The following TMEM62 variants were observed in gnomAD, a reference collection of about 807,000 sequenced individuals.
TMEM62 encodes transmembrane protein 62.
A neutral mutation model predicts 70.4 loss-of-function variants in TMEM62; 41 were observed. The ratio of observed to expected loss-of-function variants is 0.58; its 90% CI spans 0.45 to 0.76. The LOEUF is 0.76. Ranked by LOEUF, TMEM62 falls within the 30% of genes least tolerant of loss-of-function variation. The pLI, the probability that TMEM62 is intolerant of heterozygous loss-of-function variation, is 0.00. For synonymous variants in TMEM62, 268 were observed against 291.0 expected, an observed-to-expected ratio of 0.92 and a Z score of 0.80; for missense variants, 688 against 788.5, an observed-to-expected ratio of 0.87 and a Z score of 1.53.
At position 43,184,764 on chromosome 15, in the gene TMEM62, A is replaced by G; in HGVS notation, c.*178A>G. ...CCCACTACTGATACCTGCAGAATGG[A>G]CTGCAGAAAAGTCTCAAAAATAATG... On this transcript the variant is annotated 3_prime_UTR_variant, in exon 14 of 14. Coordinates refer to ENST00000260403, the MANE Select transcript of TMEM62 (RefSeq NM_024956.4). The G allele has an allele frequency of 1.7e-6, 1 of 604,000 alleles. No individual in the cohort carries two copies. The allele number at this position is 604,000 out of a possible 1,614,324, so 37.4% of individuals were successfully genotyped here.
chr15:43,145,334 AG>A (rs1302902290), intron 4 of TMEM62, among the ~76,000 whole-genome samples: 1 of 150,542 alleles, frequency 6.6e-6, no homozygotes, highest in Non-Finnish European at 1.5e-5. Flanking sequence ...CCTCTGGAGT[AG>A]CTGGGACTAC....
chr15:43,168,746 C>G (rs72721543), intron 10 of TMEM62, among the ~76,000 whole-genome samples: 2,710 of 152,282 alleles, frequency 0.018, 39 homozygotes, highest in Non-Finnish European at 0.028. Context: ...TTGTGCACTC[C>G]ATTTCCACTG....
At chr15:43,133,247 G>T (rs1415180426), upstream of TMEM62, 1 of 152,260 alleles carries the variant, frequency 6.6e-6, no homozygotes, top group East Asian at 1.9e-4. Context: ...AGAAAGAAAA[G>T]AAAACCTATG....
rs778131774 is a variant in TMEM62, at chr15:43,135,693, C to T, written c.430+44C>T. On this transcript the variant is annotated intron_variant, in intron 3 of 13. Coordinates refer to ENST00000260403, the MANE Select transcript of TMEM62 (RefSeq NM_024956.4). The stretch of plus-strand genomic sequence containing the variant: ...ATACAATAAAGACAAGAGTTTTTTT[C>T]CCCCTTCAGGAACCTAGATTTTCCA... 2.9e-5 allele frequency: 44 copies of T among 1,526,034 alleles called. 1 individual carries two copies. Among genetic ancestry groups the T allele is most frequent in the Admixed American group, 2.4e-5 (1 of 41,014 alleles). The allele number at this position is 1,526,034 out of a possible 1,614,324, so 94.5% of individuals were successfully genotyped here. A position where few individuals can be genotyped will look rare whatever the true frequency, so the allele number is the denominator to read the frequency against.
At position 43,135,602 on chromosome 15, in the gene TMEM62, C is replaced by A; in HGVS notation, c.383C>A (p.Thr128Lys). The A allele has an allele frequency of 1.2e-6, 2 of 1,607,816 alleles. No individual in the cohort carries two copies. Among genetic ancestry groups the A allele is most frequent in the Non-Finnish European group, 1.7e-6 (2 of 1,178,610 alleles). Residue 128 changes from threonine (T) to lysine (K), a missense_variant, in exon 3 of 14, where the codon ACA (threonine) becomes AAA (lysine). Thr to Lys is a moderately conservative substitution (Grantham distance 78). Coordinates refer to ENST00000260403, the MANE Select transcript of TMEM62 (RefSeq NM_024956.4). Reference sequence around the variant, plus strand: ...ACCTACCAGGGTATTCTGAAGAAGACAAGAGTCATGGAAAAAACCAAGTGG... The same window carrying A: ...ACCTACCAGGGTATTCTGAAGAAGAAAAGAGTCATGGAAAAAACCAAGTGG... ...WQTYQGILKK[T>K]RVMEKTKWLD... is the part of the protein sequence containing the mutation.
At chr15:43,173,562 G>C (rs1022940451) in intron 11 of TMEM62, among the ~76,000 whole-genome samples, 1 of 152,078 alleles carries the variant, frequency 6.6e-6, no homozygotes, top group Non-Finnish European at 1.5e-5. Flanking sequence ...TTCCCTATAC[G>C]TGCCATGCTC....
Position 43,184,531 on chromosome 15 carries a change from A to C in TMEM62, c.1877A>C (p.Asn626Thr). 1 of 1,612,942 alleles carries C rather than the reference A, an allele frequency of 6.2e-7. No individual in the cohort carries two copies. The highest frequency in any genetic ancestry group is 8.5e-7 in the Non-Finnish European group (1 of 1,179,994). ...PVLIRYVWTL[N>T]STKFGIFMVQ... ...CTCATTCGTTATGTGTGGACACTGA[A>C]CTCCACCAAGTTTGGAATCTTCATG... is the stretch of plus-strand genomic sequence containing the variant. Residue 626 changes from asparagine to threonine, a missense_variant, in exon 14 of 14, where the codon AAC becomes ACC. Transcript: ENST00000260403.
chr15:43,133,288 G>A (rs1322193783), upstream of TMEM62: 1 of 152,470 alleles, frequency 6.6e-6, no homozygotes, highest in African/African-American at 2.4e-5. Context: ...AGGGGCCAGA[G>A]GAAGCCACCT....
At chr15:43,137,159 TC>T (rs1388627302) in intron 3 of TMEM62, among the ~76,000 whole-genome samples, 1 of 152,220 alleles carries the variant, frequency 6.6e-6, no homozygotes, top group African/African-American at 2.4e-5. Context: ...TGAACTCTTC[TC>T]CAAAAGAGTC....
At chr15:43,174,816 T>C (rs1023552021) in intron 11 of TMEM62, among the ~76,000 whole-genome samples, 2 of 152,226 alleles carry the variant, frequency 1.3e-5, no homozygotes, top group Non-Finnish European at 2.9e-5. Context: ...GAAATTTCAA[T>C]AGCTATAACA....
At chr15:43,159,747 G>A (rs2141824337) in intron 9 of TMEM62, among the ~76,000 whole-genome samples, 1 of 152,248 alleles carries the variant, frequency 6.6e-6, no homozygotes, top group Non-Finnish European at 1.5e-5. Context: ...TCAAGAACTG[G>A]AATGAGCTGT....
In TMEM62 at chr15:43,144,496, G is replaced by A. The variant is rs145210932; in HGVS notation, c.477-1997G>A. Among the ~76,000 whole-genome samples, 251 of 152,222 alleles carry A rather than the reference G, an allele frequency of 1.6e-3. 1 individual carries two copies. The Middle Eastern group carries it at 0.027, about 17-fold the overall frequency. On this transcript the variant is annotated intron_variant, in intron 4 of 13. Coordinates refer to ENST00000260403, the MANE Select transcript of TMEM62 (RefSeq NM_024956.4). ...CCACAATAAAAAAGGAAAAAGATGGGATAAAAAGGAAAAAAGAGATATTGG... is the reference window on the plus strand; with the variant it reads ...CCACAATAAAAAAGGAAAAAGATGGAATAAAAAGGAAAAAAGAGATATTGG...
At chr15:43,178,839 A>T in intron 12 of TMEM62, 128 bp downstream of exon 12, 1 of 540,464 alleles carries the variant, frequency 1.9e-6, no homozygotes, top group Non-Finnish European at 3.1e-6. Context: ...TTTCTGGGAC[A>T]TGGTTTTGGA....
chr15:43,160,530 G>A (rs2038569022), intron 9 of TMEM62, 151 bp from the exon 10 acceptor site: 2 of 578,420 alleles, frequency 3.5e-6, no homozygotes, highest in African/African-American at 1.9e-5. Flanking sequence ...GGACAACAGA[G>A]AGAAACCTTG....
At chr15:43,150,524 G>T (rs1002014870) in intron 7 of TMEM62, among the ~76,000 whole-genome samples, 7 of 152,164 alleles carry the variant, frequency 4.6e-5, no homozygotes, top group African/African-American at 1.4e-4. Flanking sequence ...AGTTACAATA[G>T]AATAATTTTT....
intron 10 of TMEM62, among the ~76,000 whole-genome samples, chr15:43,166,557 C>CTTT (rs1163961554): frequency 7.6e-6 from 1 of 132,010 alleles, no homozygotes; most frequent in African/African-American, 2.8e-5. Context: ...TGAGGTTTTT[C>CTTT]TTTTTTTTTT....
intron 4 of TMEM62, among the ~76,000 whole-genome samples, chr15:43,142,399 G>A (rs1033782379): frequency 2.6e-5 from 4 of 152,024 alleles, no homozygotes; most frequent in African/African-American, 7.2e-5. Context: ...TCCTGACCTC[G>A]TGATCTGCCC....
At chr15:43,141,354 G>C (rs2035982666) in intron 4 of TMEM62, among the ~76,000 whole-genome samples, 1 of 152,150 alleles carries the variant, frequency 6.6e-6, no homozygotes, top group Admixed American at 6.5e-5. Flanking sequence ...AATCTACTCT[G>C]CCTGTGTTCT....
intron 10 of TMEM62, 38 bp downstream of exon 10, chr15:43,160,832 C>A: frequency 1.6e-6 from 2 of 1,270,522 alleles, no homozygotes; most frequent in Non-Finnish European, 2.3e-6. Context: ...ATGTTAAATG[C>A]AGAGTCCTAA....
Sources: gnomAD v4.1 joint callset for allele counts (sites outside exome capture counted in the v4.1 genomes callset) on GRCh38, gnomAD v4.1.1 for gene constraint, MANE v1.5 for transcripts, NCBI Gene and HGNC (gene_info 2026-07-23, HGNC 2026-07-21) for gene names.